Variants in KDM4A observed in about 807,000 individuals in gnomAD.
KDM4A encodes lysine demethylase 4A, also known as lysine-specific demethylase 4A.
KDM4A carries 23 observed loss-of-function variants against 127.1 expected under a neutral mutation model. The observed-to-expected ratio is 0.18, with a 90% confidence interval of 0.13 to 0.26. The LOEUF (loss-of-function observed/expected upper bound fraction) is 0.26. Among genes scored for constraint, KDM4A ranks in the 10% least tolerant of loss-of-function variants. The pLI is 1.00. For synonymous variants in KDM4A, 443 were observed against 466.5 expected (o/e 0.95, Z 0.65); for missense variants, 890 against 1,329.1 (o/e 0.67, Z 5.14).
Position 43,692,652 on chromosome 1 carries a change from G to C in KDM4A, c.2375+341G>C, listed in dbSNP as rs546362389. Among the ~76,000 whole-genome samples, 5 of 152,310 alleles carry C rather than the reference G, an allele frequency of 3.3e-5. No homozygotes were observed. In the South Asian group the frequency reaches 1.0e-3, roughly 32 times the overall value. ...GGACATTCACCTTGTCACAGCTGGG[G>C]CTGGTATGCAGAGGCGGCCACAGGC... On this transcript the variant is annotated intron_variant, in intron 16 of 21. Coordinates refer to ENST00000372396, the MANE Select transcript of KDM4A (RefSeq NM_014663.3).
chr1:43,652,538 A>G (rs1018323389), intron 1 of KDM4A, among the ~76,000 whole-genome samples: 1 of 151,964 alleles, frequency 6.6e-6, no homozygotes, highest in Non-Finnish European at 1.5e-5. Flanking sequence ...TTTTTGAGAC[A>G]GGGTCTCACT....
chr1:43,682,456 C>T (rs1246064671), intron 11 of KDM4A, among the ~76,000 whole-genome samples: 2 of 152,166 alleles, frequency 1.3e-5, no homozygotes, highest in Admixed American at 6.5e-5. Flanking sequence ...TCTTCATGGA[C>T]ATCAGTAGGA....
chr1:43,655,193 A>G lies in KDM4A; in HGVS notation c.139-398A>G, dbSNP rs149261060. On this transcript the variant is annotated intron_variant, in intron 2 of 21. Coordinates refer to ENST00000372396, the MANE Select transcript of KDM4A (RefSeq NM_014663.3). ...GAATGTTATGCTTCTTTGTAATTAA[A>G]CTGTAATCTAGTGTGTGAAAAAAGG... Among the ~76,000 whole-genome samples the G allele has an allele frequency of 7.7e-4, 117 of 152,252 alleles. 1 individual carries two copies. In the East Asian group the frequency reaches 8.3e-3, roughly 11 times the overall value.
chr1:43,667,292 GTTC>G (rs1001419442), intron 8 of KDM4A, among the ~76,000 whole-genome samples: 25 of 152,208 alleles, frequency 1.6e-4, no homozygotes, highest in African/African-American at 5.8e-4. Context: ...ATAAAATGAG[GTTC>G]TTAAGTCCAT....
At chr1:43,686,328 GC>G (rs1240270198) in intron 12 of KDM4A, among the ~76,000 whole-genome samples, 1 of 111,990 alleles carries the variant, frequency 8.9e-6, no homozygotes, top group Non-Finnish European at 1.8e-5. Context: ...GAGCCACCAC[GC>G]CCAGCCTTTT....
chr1:43,660,149 C>A, intron 3 of KDM4A, 149 bp from the exon 4 acceptor site: 1 of 794,982 alleles, frequency 1.3e-6, no homozygotes, highest in Non-Finnish European at 2.1e-6. Flanking sequence ...GAGGGACTGA[C>A]TACGTATTAG....
chr1:43,691,464 G>T, intron 14 of KDM4A, 32 bp from the exon 15 acceptor site: 1 of 1,575,748 alleles, frequency 6.3e-7, no homozygotes, highest in Non-Finnish European at 8.7e-7. Flanking sequence ...TGACCACTGG[G>T]TTTAATTTGC....
intron 11 of KDM4A, among the ~76,000 whole-genome samples, chr1:43,682,564 C>T (rs1192369754): frequency 1.3e-5 from 2 of 152,222 alleles, no homozygotes; most frequent in Non-Finnish European, 2.9e-5. Flanking sequence ...CTTCTCTACA[C>T]CTTCTTCTTT....
Position 43,693,842 on chromosome 1 carries a change from T to C in KDM4A, c.2376-152T>C. On this transcript the variant is annotated intron_variant, in intron 16 of 21. Transcript: ENST00000372396. The surrounding 1 kb of genome is among the most constrained non-coding windows in gnomAD (Gnocchi z 4.2). ...TTCCACATACTCAGAGGAGAGACGG[T>C]TCTGGTTCTCACCTTCCTGGGTCCC... The C allele has an allele frequency of 1.6e-6, 1 of 633,072 alleles. No homozygotes were observed. Among genetic ancestry groups the C allele is most frequent in the Non-Finnish European group, 2.8e-6 (1 of 359,790 alleles). The allele number at this position is 633,072 out of a possible 1,614,324, so 39.2% of individuals were successfully genotyped here. A position where few individuals can be genotyped will look rare whatever the true frequency, so the allele number is the denominator to read the frequency against.
chr1:43,704,816 C>A lies in KDM4A; in HGVS notation c.*446C>A. 1.2e-5 allele frequency: 2 copies of A among 163,460 alleles called. No homozygotes were observed. Among genetic ancestry groups the A allele is most frequent in the South Asian group, 3.3e-4 (2 of 6,132 alleles). The allele number at this position is 163,460 out of a possible 1,614,324, so 10.1% of individuals were successfully genotyped here. On this transcript the variant is annotated 3_prime_UTR_variant, in exon 22 of 22. Coordinates refer to ENST00000372396, the MANE Select transcript of KDM4A (RefSeq NM_014663.3). ...GTGCGTGCGTGCGTGTATGTTTGGTCTGGACCAGCTTCTGCCAGCCCCTGG... is the reference window on the plus strand; with the variant it reads ...GTGCGTGCGTGCGTGTATGTTTGGTATGGACCAGCTTCTGCCAGCCCCTGG...
At chr1:43,658,551 T>C (rs1660300760) in intron 3 of KDM4A, among the ~76,000 whole-genome samples, 1 of 144,700 alleles carries the variant, frequency 6.9e-6, no homozygotes, top group Non-Finnish European at 1.5e-5. Flanking sequence ...TGGCGCGGGC[T>C]AGAGTGCAGT....
rs1163945127 is a variant in KDM4A, at chr1:43,694,534, A to T, written c.2485-175A>T. Among the ~76,000 whole-genome samples, 2 of 146,120 alleles carry T rather than the reference A, an allele frequency of 1.4e-5. No homozygotes were observed. The highest frequency in any genetic ancestry group is 4.0e-4 in the East Asian group (2 of 5,002). ...CCGTCTCAAAAAAAAAAAAAAAAAA[A>T]TTTCCTTGGCAGATAAAGTTGTAAC... On this transcript the variant is annotated intron_variant, in intron 17 of 21. Coordinates refer to ENST00000372396, the MANE Select transcript of KDM4A (RefSeq NM_014663.3). The surrounding 1 kb of genome is among the most constrained non-coding windows in gnomAD (Gnocchi z 5.2).
In KDM4A at chr1:43,683,761, C is replaced by T; in HGVS notation, c.1812C>T (p.Pro604=). ...GCCGTCAGCCTTTAAGCAAGCTCCC[C>T]CGCCATCACCCACTTGTGCTGCAGG... ...KGRRQPLSKL[P]RHHPLVLQEC... The change falls in exon 12 of 22, where the codon CCC becomes CCT. Residue 604 remains proline, a synonymous_variant. Coordinates refer to ENST00000372396, the MANE Select transcript of KDM4A (RefSeq NM_014663.3). 6.2e-7 allele frequency: 1 copy of T among 1,614,114 alleles called. No individual in the cohort carries two copies. Among genetic ancestry groups the T allele is most frequent in the Non-Finnish European group, 8.5e-7 (1 of 1,180,018 alleles).
chr1:43,669,311 A>G lies in KDM4A; in HGVS notation c.1363+12A>G, dbSNP rs760121547. Reference sequence around the variant, plus strand: ...TCTTACCTTCCCAGGTTAGTTGACTATGGTGTATTTTCCACAACCCTAACT... The same window carrying G: ...TCTTACCTTCCCAGGTTAGTTGACTGTGGTGTATTTTCCACAACCCTAACT... On this transcript the variant is annotated intron_variant, in intron 10 of 21. Transcript: ENST00000372396. 10 of 1,613,484 alleles carry G rather than the reference A, an allele frequency of 6.2e-6. No homozygotes were observed. The highest frequency in any genetic ancestry group is 1.3e-5 in the African/African-American group (1 of 74,900).
intron 11 of KDM4A, among the ~76,000 whole-genome samples, chr1:43,676,479 C>G (rs1660744451): frequency 6.6e-6 from 1 of 152,154 alleles, no homozygotes; most frequent in South Asian, 2.1e-4. Context: ...TGCCACCATG[C>G]CCGGCTAATT....
At chr1:43,665,645 G>GC (rs1660484264) in intron 5 of KDM4A, 51 bp from the exon 6 acceptor site, 1 of 1,579,592 alleles carries the variant, frequency 6.3e-7, no homozygotes, top group African/African-American at 1.3e-5. Context: ...AAGTCCCTTA[G>GC]CTTCTGTACC....
chr1:43,650,726 C>G (rs906889557), intron 1 of KDM4A: 2 of 152,356 alleles, frequency 1.3e-5, no homozygotes, highest in Non-Finnish European at 2.9e-5. Context: ...CTGAGCTAAT[C>G]ACAGCGACCC....
In KDM4A at chr1:43,692,237, C is replaced by T. The variant is rs1172089415; in HGVS notation, c.2320-19C>T. 1.2e-6 allele frequency: 2 copies of T among 1,613,454 alleles called. No individual in the cohort carries two copies. Among genetic ancestry groups the T allele is most frequent in the East Asian group, 2.2e-5 (1 of 44,884 alleles). On this transcript the variant is annotated intron_variant, in intron 15 of 21. Transcript: ENST00000372396. ...GACTTGGTATTAACCACTTTTTCCT[C>T]CCTCTCCTTTCTTGGCAGGACTGCT...
rs201351709 is a variant in KDM4A at position 43,694,124 on chromosome 1, A to C, written c.2484+22A>C. ...ACTGGTAAGGGCTTGTAGACTCTAC[A>C]TAATTTCCCGACTTACAAGTTTCTG... On this transcript the variant is annotated intron_variant, in intron 17 of 21. Transcript: ENST00000372396. This position sits in a 1 kb window ranked among gnomAD's most constrained non-coding sequence, Gnocchi z 5.2. 3.2e-5 allele frequency: 50 copies of C among 1,582,134 alleles called. No individual in the cohort carries two copies. The South Asian group carries it at 5.2e-4, about 17-fold the overall frequency.
Sources: gnomAD v4.1 joint callset for allele counts (sites outside exome capture counted in the v4.1 genomes callset) on GRCh38, gnomAD v4.1.1 for gene constraint, Gnocchi (gnomAD v3.1) non-coding constraint, MANE v1.5 for transcripts, NCBI Gene and HGNC (gene_info 2026-07-23, HGNC 2026-07-21) for gene names.